Variants in PTPRG observed in about 807,000 individuals in gnomAD.
The protein encoded by PTPRG is protein tyrosine phosphatase receptor type G.
In PTPRG, 102 loss-of-function variants were observed where a neutral mutation model predicts 165.3. The observed-to-expected ratio is 0.62, with a 90% CI of 0.53 to 0.73. PTPRG has a LOEUF of 0.73. Among genes scored for constraint, PTPRG ranks in the 30% least tolerant of loss-of-function variants. The pLI, the probability that PTPRG is intolerant of heterozygous loss-of-function variation, is 0.00. For missense variants in PTPRG, 1,866 were observed against 1,861.4 expected, an observed-to-expected ratio of 1.00 and a Z score of -0.05; for synonymous variants, 675 against 669.5, an observed-to-expected ratio of 1.01 and a Z score of -0.13.
intron 1 of PTPRG, among the ~76,000 whole-genome samples, chr3:61,642,880 A>AT (rs1399589610): frequency 6.6e-6 from 1 of 152,144 alleles, no homozygotes; most frequent in East Asian, 1.9e-4. Flanking sequence ...ACACTTGGTA[A>AT]TATCCTCCAG....
chr3:61,845,944 T>A (rs1357686800), intron 2 of PTPRG, among the ~76,000 whole-genome samples: 1 of 152,134 alleles, frequency 6.6e-6, no homozygotes, highest in African/African-American at 2.4e-5. Context: ...CTGTCAAGGT[T>A]TTTTAGTGGG....
intron 2 of PTPRG, among the ~76,000 whole-genome samples, chr3:61,871,185 GTTA>G (rs2037568968): frequency 1.4e-5 from 2 of 143,230 alleles, no homozygotes; most frequent in South Asian, 4.6e-4. Context: ...GTTATGTTAT[GTTA>G]TGTTATGTTA....
chr3:61,712,596 C>G (rs1369487226), intron 1 of PTPRG, among the ~76,000 whole-genome samples: 1 of 152,146 alleles, frequency 6.6e-6, no homozygotes, highest in Admixed American at 6.5e-5. Context: ...TCTCTCTTCT[C>G]CTGCTGCCTT....
At chr3:61,949,051 A>G (rs1272278912) in intron 2 of PTPRG, among the ~76,000 whole-genome samples, 1 of 152,068 alleles carries the variant, frequency 6.6e-6, no homozygotes, top group African/African-American at 2.4e-5. Flanking sequence ...AAGAAAAAAA[A>G]AAAAAAGCCA....
At chr3:62,098,020 T>A (rs1702173446) in intron 5 of PTPRG, among the ~76,000 whole-genome samples, 1 of 152,224 alleles carries the variant, frequency 6.6e-6, no homozygotes, top group East Asian at 1.9e-4. Flanking sequence ...ATTTAATAAT[T>A]CTAATTCGAG....
intron 1 of PTPRG, among the ~76,000 whole-genome samples, chr3:61,716,965 C>G (rs917594452): frequency 1.3e-5 from 2 of 152,082 alleles, no homozygotes; most frequent in Non-Finnish European, 2.9e-5. Flanking sequence ...CAGTGAGACT[C>G]CATGTCAACA....
At chr3:61,926,830 A>G (rs1038866626) in intron 2 of PTPRG, among the ~76,000 whole-genome samples, 3 of 151,360 alleles carry the variant, frequency 2.0e-5, no homozygotes, top group South Asian at 4.2e-4. Context: ...GATCCTCTTT[A>G]CTCCTTTTTG....
chr3:62,282,166 G>GA (rs1702474255), intron 27 of PTPRG, among the ~76,000 whole-genome samples: 1 of 152,034 alleles, frequency 6.6e-6, no homozygotes, highest in Middle Eastern at 3.4e-3. Context: ...AATAGAGTAG[G>GA]ATATAAGGTC....
intron 4 of PTPRG, among the ~76,000 whole-genome samples, chr3:62,011,509 T>C (rs1162391082): frequency 6.6e-6 from 1 of 152,172 alleles, no homozygotes; most frequent in Non-Finnish European, 1.5e-5. Flanking sequence ...TTTGCTATTC[T>C]GTGGTGTAGC....
intron 1 of PTPRG, among the ~76,000 whole-genome samples, chr3:61,722,842 G>T (rs1466183801): frequency 6.6e-6 from 1 of 152,112 alleles, no homozygotes; most frequent in African/African-American, 2.4e-5. Context: ...ATTCAATCAT[G>T]GAAATGTATT....
intron 2 of PTPRG, among the ~76,000 whole-genome samples, chr3:61,885,424 TC>T (rs2038001127): frequency 6.6e-6 from 1 of 151,712 alleles, no homozygotes; most frequent in South Asian, 2.1e-4. Flanking sequence ...TAATTTCTTT[TC>T]CTATTTGTAC....
At chr3:61,664,160 A>AT (rs1265240522) in intron 1 of PTPRG, among the ~76,000 whole-genome samples, 2 of 152,160 alleles carry the variant, frequency 1.3e-5, no homozygotes, top group Non-Finnish European at 2.9e-5. Context: ...GAACTGTTGG[A>AT]TTTTGTTCCA....
At chr3:62,269,530 C>T (rs771836553) in intron 20 of PTPRG, among the ~76,000 whole-genome samples, 6 of 152,052 alleles carry the variant, frequency 3.9e-5, no homozygotes, top group Non-Finnish European at 7.4e-5. Context: ...AAGTATGTTC[C>T]AAGGAATACT....
At chr3:61,651,289 A>G (rs1702347125) in intron 1 of PTPRG, among the ~76,000 whole-genome samples, 1 of 152,182 alleles carries the variant, frequency 6.6e-6, no homozygotes, top group South Asian at 2.1e-4. Flanking sequence ...CAGTCTGAGC[A>G]GAGGTAATCT....
chr3:61,931,244 C>T (rs960807296), intron 2 of PTPRG, among the ~76,000 whole-genome samples: 1 of 152,202 alleles, frequency 6.6e-6, no homozygotes, highest in African/African-American at 2.4e-5. Flanking sequence ...GCCTGGAAGG[C>T]TCTGGAAGGT....
Position 61,563,668 on chromosome 3 carries a change from G to A in PTPRG, c.85+1296G>A, listed in dbSNP as rs74346249. On this transcript the variant is annotated intron_variant, in intron 1 of 29. Transcript: ENST00000474889. Reference sequence around the variant, plus strand: ...AGGTTATCTGAATCAAGAAAAAGAGGAATGTGCCCCGAGGTCTCCGCTCTG... The same window carrying A: ...AGGTTATCTGAATCAAGAAAAAGAGAAATGTGCCCCGAGGTCTCCGCTCTG... Among the ~76,000 whole-genome samples the A allele has an allele frequency of 5.5e-3, 834 of 152,328 alleles. 21 individuals are homozygous for A. In the East Asian group the frequency reaches 0.066, roughly 12 times the overall value.
chr3:61,770,259 G>C (rs1345919641), intron 2 of PTPRG: 6 of 152,122 alleles, frequency 3.9e-5, no homozygotes, highest in African/African-American at 1.4e-4. Context: ...GCAATTCATT[G>C]TTTAATGTGA....
intron 6 of PTPRG, among the ~76,000 whole-genome samples, chr3:62,150,942 T>C (rs535509506): frequency 6.6e-6 from 1 of 152,338 alleles, no homozygotes; most frequent in Non-Finnish European, 1.5e-5. Context: ...CATTGACTGT[T>C]CATCGTATTT....
At chr3:61,731,685 C>A (rs1381881978) in intron 1 of PTPRG, among the ~76,000 whole-genome samples, 1 of 152,056 alleles carries the variant, frequency 6.6e-6, no homozygotes, top group African/African-American at 2.4e-5. Flanking sequence ...GGCTTTAAAG[C>A]CACACATGCC....
Sources: allele counts gnomAD v4.1 joint callset (sites outside exome capture counted in the v4.1 genomes callset), GRCh38; gene constraint gnomAD v4.1.1; transcripts MANE v1.5; gene names NCBI Gene and HGNC (gene_info 2026-07-23, HGNC 2026-07-21).